Variants in MKRN2 observed in about 807,000 individuals in gnomAD.
The protein encoded by MKRN2 is E3 ubiquitin-protein ligase makorin-2.
MKRN2 carries 32 observed loss-of-function variants against 45.4 expected under a neutral mutation model. The ratio of observed to expected loss-of-function variants is 0.70; its 90% CI spans 0.53 to 0.95. The LOEUF is 0.95. MKRN2 is among the 40% of genes least tolerant of loss of function. The pLI is 0.00. For synonymous variants in MKRN2, 206 were observed against 192.4 expected (o/e 1.07, Z -0.59); for missense variants, 526 against 536.7 (o/e 0.98, Z 0.20).
At chr3:12,576,944 T>TC (rs1344922408) in intron 6 of MKRN2, 8 of 265,612 alleles carry the variant, frequency 3.0e-5, no homozygotes, top group Non-Finnish European at 4.8e-5. Flanking sequence ...TTTTTTTTTT[T>TC]TTTTTTTTTT....
chr3:12,575,790 G>A (rs538906122), intron 5 of MKRN2, among the ~76,000 whole-genome samples: 1 of 152,292 alleles, frequency 6.6e-6, no homozygotes, highest in South Asian at 2.1e-4. Context: ...GGCCTTTTGT[G>A]CCTGGCCCCT....
intron 5 of MKRN2, among the ~76,000 whole-genome samples, chr3:12,575,468 G>A (rs2058128050): frequency 1.3e-5 from 2 of 152,176 alleles, no homozygotes; most frequent in African/African-American, 4.8e-5. Context: ...GCTCAATGTG[G>A]CCAACATAGG....
chr3:12,559,821 C>G (rs2058021586), intron 1 of MKRN2, among the ~76,000 whole-genome samples: 1 of 152,184 alleles, frequency 6.6e-6, no homozygotes, highest in Admixed American at 6.5e-5. Context: ...CTTATTATAG[C>G]TTAGTAACCA....
chr3:12,568,203 G>A (rs1003444756), intron 1 of MKRN2, among the ~76,000 whole-genome samples: 4 of 152,176 alleles, frequency 2.6e-5, no homozygotes, highest in African/African-American at 9.7e-5. Flanking sequence ...TAGGAGAATC[G>A]CTTGAACCCG....
rs562448036 is a variant in MKRN2, at chr3:12,582,981, G to A, written c.*728G>A. The A allele has an allele frequency of 6.6e-6, 1 of 152,278 alleles. No homozygotes were observed. The highest frequency in any genetic ancestry group is 2.4e-5 in the African/African-American group (1 of 41,454). The allele number at this position is 152,278 out of a possible 1,614,324, so 9.4% of individuals were successfully genotyped here. On this transcript the variant is annotated 3_prime_UTR_variant, in exon 8 of 8. Coordinates refer to ENST00000170447, the MANE Select transcript of MKRN2 (RefSeq NM_014160.5). ...CTGGCCCTCCTGTCGTCTGGTTGGT[G>A]TTGGGGCCTCCAGCCAGGGCCCTCT...
intron 1 of MKRN2, among the ~76,000 whole-genome samples, chr3:12,558,105 C>T (rs1180539414): frequency 6.6e-6 from 1 of 152,148 alleles, no homozygotes; most frequent in African/African-American, 2.4e-5. Flanking sequence ...TGCTTAAAAA[C>T]AGTTATAGAG....
intron 6 of MKRN2, 182 bp downstream of exon 6, chr3:12,576,923 T>G (rs905678908): frequency 3.0e-6 from 1 of 338,142 alleles, no homozygotes; most frequent in Non-Finnish European, 5.4e-6. Flanking sequence ...TGGACCTGTT[T>G]AGTTTTGGTG....
intron 6 of MKRN2, among the ~76,000 whole-genome samples, chr3:12,579,654 T>C (rs2058165109): frequency 6.6e-6 from 1 of 152,088 alleles, no homozygotes; most frequent in Non-Finnish European, 1.5e-5. Context: ...GGGGAAGTGA[T>C]GGAAGGACAT....
chr3:12,574,596 G>C (rs756964593), intron 4 of MKRN2, among the ~76,000 whole-genome samples, 196 bp from the exon 5 acceptor site: 1 of 152,224 alleles, frequency 6.6e-6, no homozygotes, highest in African/African-American at 2.4e-5. Context: ...GACCAGTGAT[G>C]GTTTGAAGTC....
In MKRN2 at chr3:12,581,962, T is replaced by G; in HGVS notation, c.1113+10T>G. ...TCAAGGCACTGTGAGGGTAAGGACT[T>G]TAGCCATCTCTAGTTGGGGACACTT... On this transcript the variant is annotated intron_variant, in intron 7 of 7. Coordinates refer to ENST00000170447, the MANE Select transcript of MKRN2 (RefSeq NM_014160.5). 1 of 1,613,354 alleles carries G rather than the reference T, an allele frequency of 6.2e-7. No individual in the cohort carries two copies. Among genetic ancestry groups the G allele is most frequent in the Middle Eastern group, 1.7e-4 (1 of 6,058 alleles).
At chr3:12,571,438 A>C (rs1426840692) in intron 3 of MKRN2, among the ~76,000 whole-genome samples, 1 of 152,174 alleles carries the variant, frequency 6.6e-6, no homozygotes, top group East Asian at 1.9e-4. Context: ...GCTGGTCCTC[A>C]CCAGGTGAAG....
At chr3:12,581,176 T>G (rs2058175963) in intron 6 of MKRN2, among the ~76,000 whole-genome samples, 1 of 152,148 alleles carries the variant, frequency 6.6e-6, no homozygotes, top group Non-Finnish European at 1.5e-5. Flanking sequence ...AACTGTTTGG[T>G]CACTGTATGC....
chr3:12,574,078 A>G (rs2058116354), intron 4 of MKRN2, among the ~76,000 whole-genome samples: 1 of 152,006 alleles, frequency 6.6e-6, no homozygotes, highest in African/African-American at 2.4e-5. Flanking sequence ...CTAGATAATC[A>G]AGAGGTAAAT....
chr3:12,572,096 C>T lies in MKRN2; in HGVS notation c.365C>T (p.Thr122Ile), dbSNP rs765702096. ...CTCTCTGGCATGGCTGAAAGGAAGACCCAGCCGAGCATGGTGAGTAATCCA... is the reference window on the plus strand; with the variant it reads ...CTCTCTGGCATGGCTGAAAGGAAGATCCAGCCGAGCATGGTGAGTAATCCA... ...RNLSGMAERK[T>I]QPSMVSNPGS... The change falls in exon 4 of 8, where the codon ACC (threonine) becomes ATC (isoleucine). Residue 122 changes from threonine to isoleucine, a missense_variant. Thr to Ile is a moderately conservative substitution (Grantham distance 89). Transcript: ENST00000170447. 23 of 1,611,454 alleles carry T rather than the reference C, an allele frequency of 1.4e-5. No homozygotes were observed. Among genetic ancestry groups the T allele is most frequent in the Non-Finnish European group, 2.0e-5 (23 of 1,178,534 alleles).
rs566148714 is a variant in MKRN2 at position 12,578,982 on chromosome 3, A to G, written c.968+2241A>G. 3.3e-5 allele frequency among the ~76,000 whole-genome samples: 5 copies of G among 150,652 alleles called. No homozygotes were observed. In the South Asian group the frequency reaches 8.3e-4, roughly 25 times the overall value. On this transcript the variant is annotated intron_variant, in intron 6 of 7. Coordinates refer to ENST00000170447, the MANE Select transcript of MKRN2 (RefSeq NM_014160.5). ...TAGAAAAGGGCCCCAGCCTGTAGAA[A>G]AGGGTCCCAGCCTGTAGAAAGGGGC... is the stretch of plus-strand genomic sequence containing the variant.
chr3:12,574,864 A>G lies in MKRN2; in HGVS notation c.715A>G (p.Ser239Gly), dbSNP rs1438570246. The change falls in exon 5 of 8, where the codon AGT (serine) becomes GGT (glycine). Residue 239 changes from serine to glycine, a missense_variant. By Grantham distance (56) the Ser-to-Gly change is moderately conservative. Coordinates refer to ENST00000170447, the MANE Select transcript of MKRN2 (RefSeq NM_014160.5). ...AFQASQDKVCSICMEVILEKA... is the reference protein window; with the variant it reads ...AFQASQDKVCGICMEVILEKA... ...CCAGGCAAGCCAGGACAAAGTGTGCAGTATCTGCATGGAAGTGATCCTGGA... is the reference window on the plus strand; with the variant it reads ...CCAGGCAAGCCAGGACAAAGTGTGCGGTATCTGCATGGAAGTGATCCTGGA... 7 of 1,614,132 alleles carry G rather than the reference A, an allele frequency of 4.3e-6. No individual in the cohort carries two copies. In the Admixed American group the frequency reaches 5.0e-5, roughly 12 times the overall value.
rs752538268 is a variant in MKRN2 at position 12,568,885 on chromosome 3, C to T, written c.37C>T (p.His13Tyr). 6.2e-7 allele frequency: 1 copy of T among 1,612,908 alleles called. No homozygotes were observed. Among genetic ancestry groups the T allele is most frequent in the Non-Finnish European group, 8.5e-7 (1 of 1,179,612 alleles). The stretch of plus-strand genomic sequence containing the variant: ...TGCTTGTCTCTGCAGGTATTTTATG[C>T]ATGGTGTGTGTCGGGAAGGAAGTCA... ...TKQITCRYFM[H>Y]GVCREGSQCL... Residue 13 changes from histidine to tyrosine, a missense_variant, in exon 2 of 8, where the codon CAT (histidine) becomes TAT (tyrosine). By Grantham distance (83) the His-to-Tyr change is moderately conservative. Coordinates refer to ENST00000170447, the MANE Select transcript of MKRN2 (RefSeq NM_014160.5).
chr3:12,575,715 C>T (rs1336372126), intron 5 of MKRN2, among the ~76,000 whole-genome samples: 6 of 152,168 alleles, frequency 3.9e-5, no homozygotes, highest in Admixed American at 1.3e-4. Flanking sequence ...ACCACTCATC[C>T]GCTTTCTGTC....
At chr3:12,557,937 A>G (rs1021895764) in intron 1 of MKRN2, among the ~76,000 whole-genome samples, 12 of 152,228 alleles carry the variant, frequency 7.9e-5, no homozygotes, top group Non-Finnish European at 1.3e-4. Flanking sequence ...CTCCTATGAA[A>G]TAGAATAGTG....
Sources: gnomAD v4.1 joint callset for allele counts (sites outside exome capture counted in the v4.1 genomes callset) on GRCh38, gnomAD v4.1.1 for gene constraint, MANE v1.5 for transcripts, NCBI Gene and HGNC (gene_info 2026-07-23, HGNC 2026-07-21) for gene names.